TMCC3: variants seen among roughly 807,000 people sequenced by gnomAD.
TMCC3 encodes transmembrane and coiled-coil domain family 3.
A neutral mutation model predicts 40.2 loss-of-function variants in TMCC3; 28 were observed. That is an observed-to-expected ratio of 0.70 (90% CI 0.52 to 0.95). The LOEUF (loss-of-function observed/expected upper bound fraction) is 0.95, where lower values mean the gene tolerates loss of function less well. Ranked by LOEUF, TMCC3 falls within the 40% of genes least tolerant of loss-of-function variation. TMCC3 has a pLI of 0.00. For missense variants in TMCC3, 554 were observed against 615.2 expected (o/e 0.90, Z 1.05); for synonymous variants, 255 against 248.5 (o/e 1.03, Z -0.25).
In TMCC3 at chr12:94,567,884, A is replaced by T. The variant is rs2068504224; in HGVS notation, c.*3551T>A. 1 of 152,244 alleles carries T rather than the reference A, an allele frequency of 6.6e-6. No homozygotes were observed. The highest frequency in any genetic ancestry group is 1.5e-5 in the Non-Finnish European group (1 of 68,040). The allele number at this position is 152,244 out of a possible 1,614,324, so 9.4% of individuals were successfully genotyped here. A position where few individuals can be genotyped will look rare whatever the true frequency, so the allele number is the denominator to read the frequency against. ...ATGCAAAATAATTTGGTACAATCCG[A>T]CCAAAAAAGACAAAAGTAATTAGTT... On this transcript the variant is annotated 3_prime_UTR_variant, in exon 4 of 4. Coordinates refer to ENST00000261226, the MANE Select transcript of TMCC3 (RefSeq NM_020698.4).
chr12:94,645,152 G>A (rs1472369063), intron 1 of TMCC3, among the ~76,000 whole-genome samples: 1 of 152,154 alleles, frequency 6.6e-6, no homozygotes, highest in Non-Finnish European at 1.5e-5. Flanking sequence ...CACAGAAGGT[G>A]CTCAGTAAGT....
Position 94,582,197 on chromosome 12 carries a change from G to GAAAAGA in TMCC3, c.419_420insTCTTTT (p.Leu140_Arg141insLeuPhe). The GAAAAGA allele has an allele frequency of 6.2e-7, 1 of 1,614,150 alleles. No homozygotes were observed. The highest frequency in any genetic ancestry group is 1.1e-5 in the South Asian group (1 of 91,084). The stretch of plus-strand genomic sequence containing the variant: ...AGGCTCCATTCTGCTCGATCTCTCT[G>GAAAAGA]AGCTTTCGATGATACTGCTCTAACT... On this transcript the variant is annotated inframe_insertion, in exon 2 of 4. Transcript: ENST00000261226.
intron 1 of TMCC3, among the ~76,000 whole-genome samples, chr12:94,644,632 C>T (rs977937884): frequency 2.0e-5 from 3 of 152,204 alleles, no homozygotes; most frequent in Non-Finnish European, 4.4e-5. Context: ...TTGAGACACT[C>T]ACCATTATTC....
chr12:94,645,110 T>C (rs2069010913), intron 1 of TMCC3, among the ~76,000 whole-genome samples: 1 of 152,196 alleles, frequency 6.6e-6, no homozygotes, highest in South Asian at 2.1e-4. Context: ...CATTTACCAT[T>C]GTATTCCTGA....
intron 1 of TMCC3, among the ~76,000 whole-genome samples, chr12:94,631,070 T>G (rs1366905168): frequency 6.6e-6 from 1 of 152,224 alleles, no homozygotes; most frequent in African/African-American, 2.4e-5. Flanking sequence ...CATAAAAGCA[T>G]AACCACTTGA....
At chr12:94,625,833 A>G (rs1213097201) in intron 1 of TMCC3, among the ~76,000 whole-genome samples, 2 of 152,232 alleles carry the variant, frequency 1.3e-5, no homozygotes, top group Non-Finnish European at 2.9e-5. Flanking sequence ...TTCAGTTAAC[A>G]TTCATTTAAA....
chr12:94,579,887 A>G lies in TMCC3; in HGVS notation c.996-1358T>C, dbSNP rs192172174. Among the ~76,000 whole-genome samples the G allele has an allele frequency of 1.8e-3, 276 of 152,348 alleles. 2 individuals are homozygous for G. The highest frequency in any genetic ancestry group is 2.4e-3 in the Non-Finnish European group (165 of 68,034). ...ATAGGGATCTGTAACTTGGGAGAAA[A>G]TGTGCATCTAGAAAGTGCTATATCC... On this transcript the variant is annotated intron_variant, in intron 2 of 3. Transcript: ENST00000261226.
chr12:94,620,131 C>T (rs1358883824), intron 1 of TMCC3, among the ~76,000 whole-genome samples: 1 of 151,804 alleles, frequency 6.6e-6, no homozygotes, highest in Admixed American at 6.6e-5. Context: ...CCATTGCACT[C>T]CAGCCTGGGC....
At chr12:94,620,083 A>G (rs1252585758) in intron 1 of TMCC3, among the ~76,000 whole-genome samples, 2 of 151,900 alleles carry the variant, frequency 1.3e-5, no homozygotes, top group African/African-American at 4.8e-5. Context: ...GAATCGCTTG[A>G]ACCCGGAAGG....
chr12:94,644,126 C>T (rs1042183886), intron 1 of TMCC3, among the ~76,000 whole-genome samples: 1 of 152,188 alleles, frequency 6.6e-6, no homozygotes, highest in South Asian at 2.1e-4. Flanking sequence ...TACTATGGTT[C>T]CTTTCAGGCA....
chr12:94,578,181 G>GA (rs369706888), intron 3 of TMCC3, among the ~76,000 whole-genome samples: 1,401 of 111,932 alleles, frequency 0.013, 9 homozygotes, highest in Middle Eastern at 0.024. Flanking sequence ...AAAAGAAAAA[G>GA]AAAAAAAAAA....
intron 1 of TMCC3, among the ~76,000 whole-genome samples, chr12:94,621,558 A>G (rs2068875885): frequency 6.6e-6 from 1 of 152,214 alleles, no homozygotes; most frequent in Admixed American, 6.5e-5. Flanking sequence ...AGACCAGTGA[A>G]TCAGGAAATC....
At chr12:94,615,961 G>C (rs887539622) in intron 1 of TMCC3, 1 of 985,346 alleles carries the variant, frequency 1.0e-6, no homozygotes. Flanking sequence ...GAGCAGGATC[G>C]GCAGCTAGCT....
intron 1 of TMCC3, chr12:94,598,836 C>G (rs1195327379): frequency 2.2e-6 from 2 of 914,026 alleles, no homozygotes. Flanking sequence ...AAATGGTGGG[C>G]TGTGATTTTA....
At chr12:94,641,700 C>G (rs150183616) in intron 1 of TMCC3, among the ~76,000 whole-genome samples, 1 of 151,946 alleles carries the variant, frequency 6.6e-6, no homozygotes, top group Non-Finnish European at 1.5e-5. Flanking sequence ...ACCCTTAAGG[C>G]GAGACTCACA....
chr12:94,611,024 T>G (rs561724080), intron 1 of TMCC3, among the ~76,000 whole-genome samples: 14 of 152,308 alleles, frequency 9.2e-5, no homozygotes, highest in Admixed American at 2.0e-4. Flanking sequence ...GAGACTAATA[T>G]GCAAATACCT....
At chr12:94,580,962 A>G (rs2068597103) in intron 2 of TMCC3, among the ~76,000 whole-genome samples, 1 of 152,138 alleles carries the variant, frequency 6.6e-6, no homozygotes, top group South Asian at 2.1e-4. Context: ...TAATTTAAGG[A>G]CCCACACATA....
At chr12:94,621,838 G>T (rs1172921045) in intron 1 of TMCC3, among the ~76,000 whole-genome samples, 1 of 152,074 alleles carries the variant, frequency 6.6e-6, no homozygotes, top group Non-Finnish European at 1.5e-5. Context: ...CCAGGAAGAG[G>T]CCCCAAGTGA....
rs2068525387 is a variant in TMCC3, at chr12:94,571,207, G to A, written c.*228C>T. The A allele has an allele frequency of 1.8e-6, 1 of 563,398 alleles. No individual in the cohort carries two copies. The highest frequency in any genetic ancestry group is 1.9e-5 in the African/African-American group (1 of 53,166). 34.9% of individuals were successfully genotyped at this position (563,398 alleles called of 1,614,324 possible). On this transcript the variant is annotated 3_prime_UTR_variant, in exon 4 of 4. Transcript: ENST00000261226. ...TGGGCAGGAAATCGGTCTGATTAAG[G>A]CAGTGAGCAAGGTAGGAGAGCTCTG...
Sources: gnomAD v4.1 joint callset for allele counts (sites outside exome capture counted in the v4.1 genomes callset) on GRCh38, gnomAD v4.1.1 for gene constraint, MANE v1.5 for transcripts, NCBI Gene and HGNC (gene_info 2026-07-23, HGNC 2026-07-21) for gene names.